PDE4D: variants seen among roughly 807,000 people sequenced by gnomAD.
The protein encoded by PDE4D is phosphodiesterase 4D.
Under a neutral mutation model 87.4 loss-of-function variants are expected in PDE4D, and 24 were observed. The ratio of observed to expected loss-of-function variants is 0.27; its 90% CI spans 0.20 to 0.39. PDE4D has a LOEUF of 0.39. Among genes scored for constraint, PDE4D ranks in the 10% least tolerant of loss-of-function variants. The probability of loss-of-function intolerance (pLI) is 1.00; values close to 1 mark genes in which losing one functional copy is unlikely to be tolerated. For synonymous variants in PDE4D, 384 were observed against 383.2 expected (o/e 1.00, Z -0.02); for missense variants, 714 against 1,041.0 (o/e 0.69, Z 4.32).
chr5:59,250,733 A>T (rs929159366), intron 1 of PDE4D, among the ~76,000 whole-genome samples: 3 of 152,182 alleles, frequency 2.0e-5, no homozygotes, highest in Non-Finnish European at 4.4e-5. Flanking sequence ...GGCAATTCTA[A>T]TAAAAAATAA....
At chr5:59,663,242 G>T (rs1052543092) in intron 1 of PDE4D, among the ~76,000 whole-genome samples, 2 of 151,694 alleles carry the variant, frequency 1.3e-5, no homozygotes, top group African/African-American at 4.8e-5. Context: ...TTGCCTCACT[G>T]CGACCTCTGC....
intron 1 of PDE4D, among the ~76,000 whole-genome samples, chr5:60,427,958 C>G (rs923788682): frequency 6.6e-6 from 1 of 152,072 alleles, no homozygotes; most frequent in African/African-American, 2.4e-5. Flanking sequence ...ATGACTGAGT[C>G]CCAGCTACTC....
At chr5:59,413,802 T>A (rs540778308) in intron 1 of PDE4D, among the ~76,000 whole-genome samples, 1 of 152,304 alleles carries the variant, frequency 6.6e-6, no homozygotes, top group South Asian at 2.1e-4. Context: ...TCTTCATAGA[T>A]AAAATAGGGA....
At chr5:60,443,640 C>A (rs185578794) in intron 1 of PDE4D, among the ~76,000 whole-genome samples, 1 of 151,986 alleles carries the variant, frequency 6.6e-6, no homozygotes, top group Non-Finnish European at 1.5e-5. Context: ...ACAGGTAATG[C>A]GATAAAGAAT....
At chr5:59,700,546 G>A (rs1752421105) in intron 1 of PDE4D, among the ~76,000 whole-genome samples, 1 of 152,044 alleles carries the variant, frequency 6.6e-6, no homozygotes, top group African/African-American at 2.4e-5. Flanking sequence ...GAACAAAGAA[G>A]GAGAATAAGT....
chr5:59,457,315 C>CTCAGATG (rs1252060739), intron 1 of PDE4D, among the ~76,000 whole-genome samples: 5 of 152,166 alleles, frequency 3.3e-5, no homozygotes, highest in Non-Finnish European at 5.9e-5. Flanking sequence ...TTGCTGAAGG[C>CTCAGATG]TCAGATGATC....
intron 1 of PDE4D, among the ~76,000 whole-genome samples, chr5:60,277,891 A>C (rs1751534742): frequency 6.6e-6 from 1 of 152,070 alleles, no homozygotes; most frequent in Admixed American, 6.6e-5. Flanking sequence ...AATTCCCTTA[A>C]ATATTTTCTC....
intron 1 of PDE4D, among the ~76,000 whole-genome samples, chr5:59,546,628 T>A (rs2153686026): frequency 6.6e-6 from 1 of 152,262 alleles, no homozygotes; most frequent in South Asian, 2.1e-4. Context: ...AAGAAAGCCT[T>A]CCTTTCCCCT....
chr5:59,034,907 T>C (rs539776585), intron 6 of PDE4D, among the ~76,000 whole-genome samples: 2 of 152,340 alleles, frequency 1.3e-5, no homozygotes, highest in South Asian at 4.1e-4. Context: ...TATAGTGATA[T>C]GTCTTGGGAA....
At chr5:60,454,982 A>G (rs528394858) in intron 1 of PDE4D, among the ~76,000 whole-genome samples, 1 of 152,204 alleles carries the variant, frequency 6.6e-6, no homozygotes, top group African/African-American at 2.4e-5. Context: ...GAGACAAGGC[A>G]GGGAAAGGGT....
At chr5:60,282,235 A>ATG (rs1554198240) in intron 1 of PDE4D, among the ~76,000 whole-genome samples, 1 of 132,050 alleles carries the variant, frequency 7.6e-6, no homozygotes, top group Non-Finnish European at 1.6e-5. Flanking sequence ...ATATATATAT[A>ATG]TATTTCTCAA....
Position 59,823,412 on chromosome 5 carries a change from G to A in PDE4D, c.455+69756C>T, listed in dbSNP as rs1365516389. ...TTTAGTTTATCTCCAACTGCCTGCA[G>A]AATGCAAGAATGGAGGGAAGGACAG... is the stretch of plus-strand genomic sequence containing the variant. On this transcript the variant is annotated intron_variant, in intron 1 of 14. Coordinates refer to ENST00000340635, the MANE Select transcript of PDE4D (RefSeq NM_001104631.2). Among the ~76,000 whole-genome samples the A allele has an allele frequency of 5.3e-5, 8 of 152,200 alleles. No homozygotes were observed. The East Asian group carries it at 1.4e-3, about 26-fold the overall frequency.
intron 1 of PDE4D, among the ~76,000 whole-genome samples, chr5:59,843,029 T>A (rs1366008967): frequency 2.0e-5 from 3 of 151,966 alleles, no homozygotes; most frequent in African/African-American, 7.2e-5. Context: ...ATTTCTTATA[T>A]TTTTTGCTCA....
At chr5:59,396,756 C>T (rs1411799908) in intron 1 of PDE4D, among the ~76,000 whole-genome samples, 1 of 118,140 alleles carries the variant, frequency 8.5e-6, no homozygotes, top group Non-Finnish European at 1.8e-5. Context: ...TGTAAATGGA[C>T]TAAATGCTCC....
intron 1 of PDE4D, among the ~76,000 whole-genome samples, chr5:59,243,054 G>C (rs1454291407): frequency 1.8e-4 from 27 of 152,162 alleles, no homozygotes. Flanking sequence ...TGGAGAACCA[G>C]TGTCTGAGCA....
intron 1 of PDE4D, among the ~76,000 whole-genome samples, chr5:59,623,819 A>G (rs1277350440): frequency 6.6e-6 from 1 of 152,218 alleles, no homozygotes; most frequent in African/African-American, 2.4e-5. Flanking sequence ...GTGATTGAAA[A>G]GCTTTATGTT....
intron 1 of PDE4D, among the ~76,000 whole-genome samples, chr5:59,803,454 A>G (rs1345130411): frequency 2.0e-5 from 3 of 152,012 alleles, no homozygotes; most frequent in Non-Finnish European, 2.9e-5. Context: ...GCCCGCCATC[A>G]CGCACAGCTA....
At chr5:59,950,872 G>C (rs1758219348) in intron 3 of PDE4D, among the ~76,000 whole-genome samples, 1 of 152,168 alleles carries the variant, frequency 6.6e-6, no homozygotes, top group South Asian at 2.1e-4. Flanking sequence ...AAAGAAACAA[G>C]TTATTCCAGG....
chr5:59,168,566 T>C (rs937886566), intron 5 of PDE4D, among the ~76,000 whole-genome samples: 1 of 152,210 alleles, frequency 6.6e-6, no homozygotes, highest in Non-Finnish European at 1.5e-5. Flanking sequence ...CCCAAAGAGT[T>C]TCTGTGCATC....
Sources: allele counts gnomAD v4.1 joint callset (sites outside exome capture counted in the v4.1 genomes callset), GRCh38; gene constraint gnomAD v4.1.1; transcripts MANE v1.5; gene names NCBI Gene and HGNC (gene_info 2026-07-23, HGNC 2026-07-21).